CFAP299: variants seen among roughly 807,000 people sequenced by gnomAD.
CFAP299 encodes cilia and flagella associated protein 299, also known as cilia- and flagella-associated protein 299.
CFAP299 carries 21 observed loss-of-function variants against 27.0 expected under a neutral mutation model. That is an observed-to-expected ratio of 0.78 (90% confidence interval 0.55 to 1.12). The LOEUF is 1.12. Among genes scored for constraint, CFAP299 ranks in the 50% most tolerant of loss-of-function variants. The pLI is 0.00. For missense variants in CFAP299, 310 were observed against 276.6 expected (o/e 1.12, Z -0.86); for synonymous variants, 104 against 98.1 (o/e 1.06, Z -0.36).
chr4:80,790,255 T>G (rs1727477542), intron 3 of CFAP299: 1 of 152,070 alleles, frequency 6.6e-6, no homozygotes, highest in Admixed American at 6.6e-5. Flanking sequence ...TCTCCATGTT[T>G]CCTAGCTCAC....
chr4:80,856,920 GT>G (rs1731938716), intron 3 of CFAP299, among the ~76,000 whole-genome samples: 1 of 151,818 alleles, frequency 6.6e-6, no homozygotes, highest in Non-Finnish European at 1.5e-5. Context: ...GTTTAAAGTA[GT>G]TTTTTCCAAT....
At chr4:80,893,255 C>T (rs1376904464) in intron 4 of CFAP299, among the ~76,000 whole-genome samples, 1 of 151,074 alleles carries the variant, frequency 6.6e-6, no homozygotes, top group South Asian at 2.1e-4. Flanking sequence ...ATGAAGGCAT[C>T]CCATGTTTAT....
chr4:80,338,836 T>G (rs756957615), intron 1 of CFAP299, among the ~76,000 whole-genome samples: 1 of 152,230 alleles, frequency 6.6e-6, no homozygotes, highest in Non-Finnish European at 1.5e-5. Context: ...TACTCTTGTA[T>G]TGTGTAGTAT....
chr4:80,626,192 C>A (rs772830657), intron 3 of CFAP299, among the ~76,000 whole-genome samples: 13 of 151,892 alleles, frequency 8.6e-5, no homozygotes, highest in Admixed American at 2.0e-4. Context: ...TATCAAGTAG[C>A]TATTCTGACC....
At chr4:80,659,358 A>T (rs1199090443) in intron 3 of CFAP299, among the ~76,000 whole-genome samples, 11 of 152,130 alleles carry the variant, frequency 7.2e-5, no homozygotes, top group Non-Finnish European at 1.0e-4. Flanking sequence ...AAACAAAAGA[A>T]CTACACACTG....
At chr4:80,893,099 T>C (rs1033351068) in intron 4 of CFAP299, among the ~76,000 whole-genome samples, 3 of 150,780 alleles carry the variant, frequency 2.0e-5, no homozygotes, top group Non-Finnish European at 4.4e-5. Context: ...ACAAACTATC[T>C]AAAGAAGAAA....
chr4:80,527,275 G>GA (rs1008791034), intron 2 of CFAP299, among the ~76,000 whole-genome samples: 8 of 151,092 alleles, frequency 5.3e-5, no homozygotes, highest in Non-Finnish European at 5.9e-5. Context: ...TTGTTCTTGT[G>GA]AAAAAAAACA....
At chr4:80,411,033 A>G (rs1404101404) in intron 2 of CFAP299, among the ~76,000 whole-genome samples, 4 of 152,178 alleles carry the variant, frequency 2.6e-5, no homozygotes, top group African/African-American at 9.7e-5. Context: ...TCGGTAATGT[A>G]TTATACGTGT....
chr4:80,386,048 C>T (rs918852315), intron 2 of CFAP299: 32 of 432,696 alleles, frequency 7.4e-5, no homozygotes, highest in African/African-American at 6.0e-4. Flanking sequence ...TTATGAATGA[C>T]ATTCAGAAGG....
chr4:80,795,618 C>CGTGTAAG (rs1357698423), intron 3 of CFAP299, among the ~76,000 whole-genome samples: 2 of 152,086 alleles, frequency 1.3e-5, no homozygotes, highest in Non-Finnish European at 2.9e-5. Flanking sequence ...GCCACTTACT[C>CGTGTAAG]GTGTAAGTTG....
chr4:80,647,677 CAT>C lies in CFAP299; in HGVS notation c.333+64495_333+64496del, dbSNP rs575646597. 2.0e-3 allele frequency among the ~76,000 whole-genome samples: 280 copies of C among 138,578 alleles called. 1 individual carries two copies. Among genetic ancestry groups the C allele is most frequent in the Middle Eastern group, 3.6e-3 (1 of 280 alleles). The allele number at this position is 138,578 out of a possible 152,430, so 90.9% of individuals were successfully genotyped here. On this transcript the variant is annotated intron_variant, in intron 3 of 5. Coordinates refer to ENST00000358105, the MANE Select transcript of CFAP299 (RefSeq NM_152770.3). The stretch of plus-strand genomic sequence containing the variant: ...AGAGCCATTCACATTTGTTTCCACA[CAT>C]GTTTATGCTAGTTGTTCTTTTTATT...
chr4:80,546,691 C>T (rs1028134975), intron 2 of CFAP299, among the ~76,000 whole-genome samples: 5 of 151,896 alleles, frequency 3.3e-5, no homozygotes, highest in African/African-American at 1.2e-4. Flanking sequence ...ATGTGTGGCA[C>T]TTCACTCCTA....
intron 3 of CFAP299, among the ~76,000 whole-genome samples, chr4:80,807,864 T>C (rs970873883): frequency 1.2e-4 from 18 of 152,076 alleles, no homozygotes; most frequent in African/African-American, 4.3e-4. Context: ...TTTCAAGGTG[T>C]GTCATAATTA....
At chr4:80,569,163 T>G (rs961017908) in intron 2 of CFAP299, among the ~76,000 whole-genome samples, 23 of 152,100 alleles carry the variant, frequency 1.5e-4, no homozygotes, top group Non-Finnish European at 2.8e-4. Context: ...TTCTGAACCC[T>G]GTTGATAGCT....
At chr4:80,768,210 G>T (rs1726005608) in intron 3 of CFAP299, among the ~76,000 whole-genome samples, 1 of 152,132 alleles carries the variant, frequency 6.6e-6, no homozygotes, top group Admixed American at 6.5e-5. Context: ...AACAGCTTTT[G>T]CAAAGCACAT....
intron 3 of CFAP299, among the ~76,000 whole-genome samples, chr4:80,715,286 T>G (rs1207217622): frequency 6.6e-6 from 1 of 152,022 alleles, no homozygotes; most frequent in African/African-American, 2.4e-5. Context: ...ATACAAAGCA[T>G]TTTGCTGCCT....
chr4:80,765,611 A>AT (rs1192477399), intron 3 of CFAP299, among the ~76,000 whole-genome samples: 1 of 151,936 alleles, frequency 6.6e-6, no homozygotes, highest in Non-Finnish European at 1.5e-5. Context: ...ATAAAAATAA[A>AT]TTTTTTTATT....
At chr4:80,604,414 G>C (rs967490962) in intron 3 of CFAP299, among the ~76,000 whole-genome samples, 6 of 152,148 alleles carry the variant, frequency 3.9e-5, no homozygotes, top group African/African-American at 1.4e-4. Flanking sequence ...GGGTCCCTGG[G>C]CATCAGTCCA....
chr4:80,772,530 A>G (rs1157727637), intron 3 of CFAP299, among the ~76,000 whole-genome samples: 1 of 151,968 alleles, frequency 6.6e-6, no homozygotes, highest in East Asian at 1.9e-4. Context: ...GAGAAAGCAT[A>G]CTTTCCCAAT....
Sources: gnomAD v4.1 joint callset for allele counts (sites outside exome capture counted in the v4.1 genomes callset) on GRCh38, gnomAD v4.1.1 for gene constraint, MANE v1.5 for transcripts, NCBI Gene and HGNC (gene_info 2026-07-23, HGNC 2026-07-21) for gene names.